CNTNAP4: variants seen among roughly 807,000 people sequenced by gnomAD.
The protein encoded by CNTNAP4 is contactin associated protein family member 4.
Under a neutral mutation model 148.4 loss-of-function variants are expected in CNTNAP4, and 98 were observed. That is an observed-to-expected ratio of 0.66 (90% CI 0.56 to 0.78). The LOEUF (loss-of-function observed/expected upper bound fraction) is 0.78. Ranked by LOEUF, CNTNAP4 falls within the 30% of genes least tolerant of loss-of-function variation. The probability of loss-of-function intolerance (pLI) is 0.00; values close to 1 mark genes in which losing one functional copy is unlikely to be tolerated. For missense variants in CNTNAP4, 1,935 were observed against 1,565.6 expected (o/e 1.24, Z -3.98); for synonymous variants, 730 against 565.1 (o/e 1.29, Z -4.14).
At chr16:76,447,679 A>C (rs1387488669) in intron 4 of CNTNAP4, among the ~76,000 whole-genome samples, 1 of 152,218 alleles carries the variant, frequency 6.6e-6, no homozygotes, top group East Asian at 1.9e-4. Context: ...AATAAATTAC[A>C]TGAGATATTC....
intron 3 of CNTNAP4, among the ~76,000 whole-genome samples, chr16:76,371,034 A>C (rs1228736099): frequency 6.6e-6 from 1 of 152,174 alleles, no homozygotes; most frequent in Non-Finnish European, 1.5e-5. Context: ...CCATTGGTTT[A>C]GGGTCATTTT....
In CNTNAP4 at chr16:76,293,303, T is replaced by G. The variant is rs548647756; in HGVS notation, c.85+15556T>G. Among the ~76,000 whole-genome samples the G allele has an allele frequency of 7.9e-5, 12 of 152,266 alleles. No homozygotes were observed. The East Asian group carries it at 1.9e-3, about 25-fold the overall frequency. On this transcript the variant is annotated intron_variant, in intron 1 of 23. Transcript: ENST00000611870. ...TCACGCCCAGCTAATTTTTGTATGT[T>G]TAGTAGAGACGGGGTTTCACCATGT...
chr16:76,539,302 T>A (rs2084349156), intron 19 of CNTNAP4, among the ~76,000 whole-genome samples: 1 of 152,058 alleles, frequency 6.6e-6, no homozygotes, highest in Non-Finnish European at 1.5e-5. Flanking sequence ...TAAAACTACA[T>A]TTGTGTTTAA....
At chr16:76,452,911 C>T (rs2080568524) in intron 8 of CNTNAP4, 142 bp downstream of exon 8, 5 of 752,318 alleles carry the variant, frequency 6.6e-6, no homozygotes. Context: ...AGTACTCTTC[C>T]TTAGAGGAAC....
chr16:76,462,649 C>G (rs1464244773), intron 9 of CNTNAP4, among the ~76,000 whole-genome samples: 4 of 152,124 alleles, frequency 2.6e-5, no homozygotes, highest in South Asian at 4.1e-4. Flanking sequence ...CCTTAGAGAA[C>G]AAAAGCAAAT....
At chr16:76,331,319 C>G (rs1963499012) in intron 2 of CNTNAP4, among the ~76,000 whole-genome samples, 1 of 152,032 alleles carries the variant, frequency 6.6e-6, no homozygotes, top group Non-Finnish European at 1.5e-5. Context: ...TCCCGAGTAG[C>G]TGGGACTGCA....
rs569050691 is a variant in CNTNAP4, at chr16:76,514,192, C to T, written c.2366-6948C>T. ...GCCCAACTCCACACCTCTTTGTTGT[C>T]ACTCTGACCTTCGTAGGAATGACTG... On this transcript the variant is annotated intron_variant, in intron 15 of 23. Coordinates refer to ENST00000611870, the MANE Select transcript of CNTNAP4 (RefSeq NM_033401.5). 5.2e-3 allele frequency among the ~76,000 whole-genome samples: 792 copies of T among 152,294 alleles called. 7 individuals are homozygous for T. The highest frequency in any genetic ancestry group is 0.018 in the African/African-American group (742 of 41,576).
At chr16:76,437,627 G>C (rs899220075) in intron 4 of CNTNAP4, among the ~76,000 whole-genome samples, 1 of 151,980 alleles carries the variant, frequency 6.6e-6, no homozygotes, top group Non-Finnish European at 1.5e-5. Context: ...ACCTATGAGA[G>C]ACATAAAGAC....
chr16:76,349,133 G>A (rs188261617), intron 2 of CNTNAP4, among the ~76,000 whole-genome samples: 45 of 152,214 alleles, frequency 3.0e-4, no homozygotes, highest in Non-Finnish European at 5.1e-4. Context: ...TTCAGAACTT[G>A]ATCTCACTTC....
intron 1 of CNTNAP4, chr16:76,316,141 A>T: frequency 2.1e-6 from 1 of 481,456 alleles, no homozygotes. Flanking sequence ...ATCTTTTATA[A>T]TGAGGTATAA....
chr16:76,315,317 CAA>C (rs1316213641), intron 1 of CNTNAP4, among the ~76,000 whole-genome samples: 1 of 152,118 alleles, frequency 6.6e-6, no homozygotes, highest in Non-Finnish European at 1.5e-5. Context: ...GGTAAAAAGA[CAA>C]AACTCCTTGA....
chr16:76,554,324 C>T (rs527391651), intron 23 of CNTNAP4, among the ~76,000 whole-genome samples: 3 of 152,264 alleles, frequency 2.0e-5, no homozygotes, highest in Admixed American at 6.5e-5. Flanking sequence ...GAGATTAACA[C>T]TAGAAGCATA....
chr16:76,367,571 C>G (rs1211214537), intron 3 of CNTNAP4, among the ~76,000 whole-genome samples: 1 of 152,188 alleles, frequency 6.6e-6, no homozygotes, highest in African/African-American at 2.4e-5. Context: ...GACATTCTGA[C>G]TGACTGAATA....
intron 1 of CNTNAP4, among the ~76,000 whole-genome samples, chr16:76,295,072 C>T (rs1959201317): frequency 6.6e-6 from 1 of 152,114 alleles, no homozygotes; most frequent in East Asian, 1.9e-4. Context: ...ACTTCCTGGT[C>T]CTGTAGAAAA....
chr16:76,373,247 GAATATATTCCACATATATATGTGA>G lies in CNTNAP4; in HGVS notation c.390+17752_390+17775del, dbSNP rs1567902206. Among the ~76,000 whole-genome samples, 196 of 93,314 alleles carry G rather than the reference GAATATATTCCACATATATATGTGA, an allele frequency of 2.1e-3. 8 individuals are homozygous for G. Among genetic ancestry groups the G allele is most frequent in the African/African-American group, 7.4e-3 (181 of 24,498 alleles). The allele number at this position is 93,314 out of a possible 152,430, so 61.2% of individuals were successfully genotyped here. A position where few individuals can be genotyped will look rare whatever the true frequency, so the allele number is the denominator to read the frequency against. ...GTGAATATATTCCACATAAATAGGTGAATATATTCCACATATATATGTGAAATATATTCCACATAAATATGTGAA... is the reference window on the plus strand; with the variant it reads ...GTGAATATATTCCACATAAATAGGTGAATATATTCCACATAAATATGTGAA... On this transcript the variant is annotated intron_variant, in intron 3 of 23. Coordinates refer to ENST00000611870, the MANE Select transcript of CNTNAP4 (RefSeq NM_033401.5).
intron 21 of CNTNAP4, among the ~76,000 whole-genome samples, chr16:76,550,438 T>C (rs969911079): frequency 6.6e-6 from 1 of 152,280 alleles, no homozygotes; most frequent in African/African-American, 2.4e-5. Flanking sequence ...AGGTGAAATG[T>C]TTTCAGTTTG....
chr16:76,344,497 T>G (rs1460769461), intron 2 of CNTNAP4, among the ~76,000 whole-genome samples: 1 of 152,140 alleles, frequency 6.6e-6, no homozygotes, highest in African/African-American at 2.4e-5. Context: ...GCACATACAG[T>G]GAGATATCTT....
intron 4 of CNTNAP4, among the ~76,000 whole-genome samples, chr16:76,433,687 A>G (rs2079700132): frequency 6.6e-6 from 1 of 152,100 alleles, no homozygotes; most frequent in African/African-American, 2.4e-5. Flanking sequence ...CTGTCTGGTT[A>G]GGGGGAAGAA....
chr16:76,483,638 T>C (rs2081921730), intron 12 of CNTNAP4, among the ~76,000 whole-genome samples: 1 of 152,136 alleles, frequency 6.6e-6, no homozygotes, highest in African/African-American at 2.4e-5. Context: ...AGGGGGCGTT[T>C]TAAACAGCAA....
Sources: allele counts gnomAD v4.1 joint callset (sites outside exome capture counted in the v4.1 genomes callset), GRCh38; gene constraint gnomAD v4.1.1; transcripts MANE v1.5; gene names NCBI Gene and HGNC (gene_info 2026-07-23, HGNC 2026-07-21).